C13orf42: variants seen among roughly 807,000 people sequenced by gnomAD.
C13orf42 encodes the protein uncharacterized protein C13orf42.
intron 1 of C13orf42, among the ~76,000 whole-genome samples, chr13:51,154,711 T>C (rs1953811749): frequency 6.6e-6 from 1 of 152,236 alleles, no homozygotes; most frequent in Admixed American, 6.5e-5. Flanking sequence ...TTTCTTCCAA[T>C]GCATATGTAT....
chr13:51,154,571 G>T (rs1953810538), intron 1 of C13orf42, among the ~76,000 whole-genome samples: 1 of 152,212 alleles, frequency 6.6e-6, no homozygotes, highest in Non-Finnish European at 1.5e-5. Flanking sequence ...AGTGGAGCAA[G>T]CGAGAAAAGT....
intron 1 of C13orf42, among the ~76,000 whole-genome samples, chr13:51,110,567 C>T (rs761138954): frequency 1.1e-4 from 16 of 152,206 alleles, no homozygotes; most frequent in Non-Finnish European, 1.5e-4. Flanking sequence ...ATGTGTACCC[C>T]TGAACCTAAA....
chr13:51,119,436 T>C (rs1953516335), intron 1 of C13orf42, among the ~76,000 whole-genome samples: 1 of 152,070 alleles, frequency 6.6e-6, no homozygotes, highest in African/African-American at 2.4e-5. Context: ...CAGAAAAGCA[T>C]TGAATGCTTT....
intron 1 of C13orf42, among the ~76,000 whole-genome samples, chr13:51,088,619 T>C (rs925541137): frequency 1.3e-5 from 2 of 152,222 alleles, no homozygotes; most frequent in African/African-American, 2.4e-5. Context: ...GATGTGATTA[T>C]TTCACATTGC....
In C13orf42 at chr13:51,111,001, C is replaced by T. The variant is rs931001329; in HGVS notation, c.209G>A (p.Arg70Gln). The change falls in exon 1 of 4, where the codon CGG becomes CAG. Residue 70 changes from arginine to glutamine, a missense_variant. Arg to Gln is a conservative substitution (Grantham distance 43). Transcript: ENST00000563710. ...CATCCACGCCCGGTCCTCCTCCTGC[C>T]GCAGGTAGTACAGGCTGGTGTCCAT... The part of the protein sequence containing the change: ...SSMDTSLYYL[R>Q]QEEDRAWMYS... The T allele has an allele frequency of 5.0e-6, 2 of 398,562 alleles. No homozygotes were observed. The highest frequency in any genetic ancestry group is 2.1e-5 in the African/African-American group (1 of 48,634). The allele number at this position is 398,562 out of a possible 1,614,324, so 24.7% of individuals were successfully genotyped here.
At chr13:51,154,210 T>G (rs903490169) in intron 1 of C13orf42, among the ~76,000 whole-genome samples, 2 of 152,206 alleles carry the variant, frequency 1.3e-5, no homozygotes, top group South Asian at 2.1e-4. Flanking sequence ...TGTGTGTCTA[T>G]GTCACATTTT....
chr13:51,130,266 T>A (rs1037133951), intron 1 of C13orf42, among the ~76,000 whole-genome samples: 5 of 152,346 alleles, frequency 3.3e-5, no homozygotes, highest in South Asian at 2.1e-4. Context: ...GGTCATAAAC[T>A]GCTTCTTTGA....
chr13:51,153,630 C>CTTTT (rs1206289963), intron 1 of C13orf42, among the ~76,000 whole-genome samples: 6 of 81,206 alleles, frequency 7.4e-5, no homozygotes, highest in Admixed American at 3.1e-4. Flanking sequence ...TGTTTTTTTT[C>CTTTT]TTTTTTTTTT....
chr13:51,160,987 G>T (rs1415576537), intron 1 of C13orf42, among the ~76,000 whole-genome samples: 1 of 147,024 alleles, frequency 6.8e-6, no homozygotes, highest in Non-Finnish European at 1.5e-5. Flanking sequence ...ACAAAAAACT[G>T]CCAGTTGTCG....
upstream of C13orf42, among the ~76,000 whole-genome samples, chr13:51,113,758 GT>G (rs1454094265): frequency 3.0e-4 from 45 of 152,260 alleles, no homozygotes; most frequent in African/African-American, 1.1e-3. Flanking sequence ...GAAACTACAA[GT>G]GCCCATCAAA....
At position 51,130,901 on chromosome 13, in the gene C13orf42, A is replaced by AT. The variant is rs549015317; in HGVS notation, n.137-17680dup. 2.0e-4 allele frequency among the ~76,000 whole-genome samples: 30 copies of AT among 151,272 alleles called. No individual in the cohort carries two copies. The East Asian group carries it at 3.5e-3, about 18-fold the overall frequency. On this transcript the variant is annotated intron_variant and non_coding_transcript_variant, in intron 1 of 4. Coordinates refer to the C13orf42 transcript ENST00000433280. ...TATATAAACAGTCAAGGAAATGTGG[A>AT]TTTTTTTTGCCTAGATTAAAGGGTT...
chr13:51,105,250 C>T (rs558831506), intron 1 of C13orf42, among the ~76,000 whole-genome samples: 1 of 152,272 alleles, frequency 6.6e-6, no homozygotes, highest in East Asian at 1.9e-4. Context: ...CAGTTCAGGA[C>T]CACACCCTGT....
chr13:51,120,144 G>A (rs1026588154), intron 1 of C13orf42, among the ~76,000 whole-genome samples: 10 of 152,254 alleles, frequency 6.6e-5, no homozygotes, highest in Admixed American at 2.6e-4. Context: ...TTCCACTTGA[G>A]AATTACAGTA....
rs373908043 is a variant in C13orf42 at position 51,154,940 on chromosome 13, G to A, written n.136+17313C>T. The stretch of plus-strand genomic sequence containing the variant: ...TGTCCTGCTTTTAAGGGGCCGGTAA[G>A]GTAGGACAGGAGTTTCCAAAGTGGT... On this transcript the variant is annotated intron_variant and non_coding_transcript_variant, in intron 1 of 4. Transcript: ENST00000433280. Among the ~76,000 whole-genome samples the A allele has an allele frequency of 4.6e-5, 7 of 152,308 alleles. No individual in the cohort carries two copies. The East Asian group carries it at 1.2e-3, about 25-fold the overall frequency.
chr13:51,105,119 T>TGGGAAGGGTGG (rs1373643396), intron 1 of C13orf42, among the ~76,000 whole-genome samples: 9 of 152,242 alleles, frequency 5.9e-5, no homozygotes, highest in Non-Finnish European at 4.4e-5. Context: ...CAAAGGCCAT[T>TGGGAAGGGTGG]GGGAAGGGTG....
intron 1 of C13orf42, among the ~76,000 whole-genome samples, chr13:51,123,859 G>A (rs755223926): frequency 3.9e-5 from 6 of 152,122 alleles, no homozygotes; most frequent in Non-Finnish European, 8.8e-5. Context: ...GTTCATCCCT[G>A]GGCGTAGTCT....
At chr13:51,137,348 G>C (rs1953665303) in intron 1 of C13orf42, among the ~76,000 whole-genome samples, 1 of 152,166 alleles carries the variant, frequency 6.6e-6, no homozygotes, top group South Asian at 2.1e-4. Flanking sequence ...GGGATGCCCA[G>C]CAGTCACTCC....
rs7333818 is a variant in C13orf42 at position 51,124,125 on chromosome 13, C to T, written n.137-10903G>A. ...CATTTCTAACAACTGAATAACCCCACCTGAACCTGCCAACCAGTTCTGTGG... is the reference window on the plus strand; with the variant it reads ...CATTTCTAACAACTGAATAACCCCATCTGAACCTGCCAACCAGTTCTGTGG... On this transcript the variant is annotated intron_variant and non_coding_transcript_variant, in intron 1 of 4. Coordinates refer to the C13orf42 transcript ENST00000433280. Among the ~76,000 whole-genome samples, 285 of 152,302 alleles carry T rather than the reference C, an allele frequency of 1.9e-3. 1 individual carries two copies. Among genetic ancestry groups the T allele is most frequent in the African/African-American group, 6.5e-3 (270 of 41,544 alleles).
chr13:51,143,491 ATAATG>A (rs1183652321), intron 1 of C13orf42, among the ~76,000 whole-genome samples: 1 of 152,126 alleles, frequency 6.6e-6, no homozygotes, highest in Non-Finnish European at 1.5e-5. Context: ...GTTATATTAT[ATAATG>A]AAGATTGTTT....
Sources: gnomAD v4.1 joint callset for allele counts (sites outside exome capture counted in the v4.1 genomes callset) on GRCh38, gnomAD v4.1.1 for gene constraint, MANE v1.5 for transcripts, NCBI Gene and HGNC (gene_info 2026-07-23, HGNC 2026-07-21) for gene names.